The following LDLRAD4 variants were observed in gnomAD, a reference collection of about 807,000 sequenced individuals.
The protein encoded by LDLRAD4 is low density lipoprotein receptor class A domain containing 4.
In LDLRAD4, 5 loss-of-function variants were observed where a neutral mutation model predicts 17.0. The ratio of observed to expected loss-of-function variants is 0.29; its 90% confidence interval spans 0.15 to 0.62. The LOEUF (loss-of-function observed/expected upper bound fraction) is 0.62, where lower values mean the gene tolerates loss of function less well. Among genes scored for constraint, LDLRAD4 ranks in the 20% least tolerant of loss-of-function variants. The pLI is 0.84. For synonymous variants in LDLRAD4, 168 were observed against 171.8 expected (o/e 0.98, Z 0.17); for missense variants, 340 against 424.7 (o/e 0.80, Z 1.75).
chr18:13,650,873 C>T (rs1258131211), exon 6 of LDLRAD4: 2 of 152,266 alleles, frequency 1.3e-5, no homozygotes, highest in African/African-American at 4.8e-5. Context: ...TATTATAACA[C>T]AAGAGAAAGA....
Position 13,466,472 on chromosome 18 carries a change from C to CAAAAAA in LDLRAD4, c.181+28099_181+28104dup, listed in dbSNP as rs5823251. Among the ~76,000 whole-genome samples, 60 of 108,340 alleles carry CAAAAAA rather than the reference C, an allele frequency of 5.5e-4. 2 individuals carry two copies. Among genetic ancestry groups the CAAAAAA allele is most frequent in the Non-Finnish European group, 8.1e-4 (45 of 55,770 alleles). The allele number at this position is 108,340 out of a possible 152,430, so 71.1% of individuals were successfully genotyped here. A position where few individuals can be genotyped will look rare whatever the true frequency, so the allele number is the denominator to read the frequency against. Reference sequence around the variant, plus strand: ...GTCACAGAGTGAGACCTTGTTTCACCAAAAAAAAAAAAAAAAGGAAAATCA... The same window carrying CAAAAAA: ...GTCACAGAGTGAGACCTTGTTTCACCAAAAAAAAAAAAAAAAAAAAAAGGAAAATCA... On this transcript the variant is annotated intron_variant, in intron 3 of 5. Transcript: ENST00000359446.
At chr18:13,565,664 A>G (rs1453272289) in intron 3 of LDLRAD4, among the ~76,000 whole-genome samples, 3 of 152,184 alleles carry the variant, frequency 2.0e-5, no homozygotes, top group Non-Finnish European at 4.4e-5. Context: ...AAAGGGTTCT[A>G]TTGTGGCTCA....
chr18:13,612,052 G>A (rs2039618909), intron 3 of LDLRAD4: 2 of 985,416 alleles, frequency 2.0e-6, no homozygotes, highest in Admixed American at 6.1e-5. Flanking sequence ...CGCCTGTCGC[G>A]TGTCCTGCCT....
In LDLRAD4 at chr18:13,243,656, C is replaced by A. The variant is rs547585357; in HGVS notation, c.-467+24668C>A. Among the ~76,000 whole-genome samples the A allele has an allele frequency of 6.0e-5, 9 of 150,564 alleles. No homozygotes were observed. In the South Asian group the frequency reaches 1.9e-3, roughly 32 times the overall value. Reference sequence around the variant, plus strand: ...CCCGCACATTCATCCATCGATTTACCCATCCATCCGTCTACCCATCCATCT... The same window carrying A: ...CCCGCACATTCATCCATCGATTTACACATCCATCCGTCTACCCATCCATCT... On this transcript the variant is annotated intron_variant, in intron 1 of 5. Coordinates refer to the LDLRAD4 transcript ENST00000399848.
In LDLRAD4 at chr18:13,367,980, C is replaced by A. The variant is rs1365587760; in HGVS notation, c.-382-19361C>A. Among the ~76,000 whole-genome samples the A allele has an allele frequency of 2.0e-5, 3 of 152,042 alleles. No homozygotes were observed. Among genetic ancestry groups the A allele is most frequent in the African/African-American group, 7.2e-5 (3 of 41,384 alleles). On this transcript the variant is annotated intron_variant, in intron 1 of 5. Coordinates refer to ENST00000359446, the Ensembl canonical transcript of LDLRAD4. This position sits in a 1 kb window ranked among gnomAD's most constrained non-coding sequence, Gnocchi z 4.1. Reference sequence around the variant, plus strand: ...GAGGCTGCAGTGAGCCATGACGGCACCACTGCAGTCCTGCCCAGGTGACAG... The same window carrying A: ...GAGGCTGCAGTGAGCCATGACGGCAACACTGCAGTCCTGCCCAGGTGACAG...
chr18:13,322,722 A>G (rs1488022166), intron 1 of LDLRAD4, among the ~76,000 whole-genome samples: 1 of 151,796 alleles, frequency 6.6e-6, no homozygotes, highest in East Asian at 1.9e-4. Context: ...AGTTCAAAAA[A>G]TTCTCCCACC....
chr18:13,632,343 G>A (rs2041739150), intron 4 of LDLRAD4, among the ~76,000 whole-genome samples: 1 of 152,242 alleles, frequency 6.6e-6, no homozygotes, highest in African/African-American at 2.4e-5. Flanking sequence ...ATGGTGAGGG[G>A]TGTGTGAGCA....
chr18:13,529,339 G>C (rs1047007876), intron 3 of LDLRAD4, among the ~76,000 whole-genome samples: 3 of 152,230 alleles, frequency 2.0e-5, no homozygotes, highest in African/African-American at 7.2e-5. Context: ...GGTATTCTCC[G>C]AAGATGGCCT....
At position 13,426,879 on chromosome 18, in the gene LDLRAD4, G is replaced by T. The variant is rs562611120; in HGVS notation, c.41-11365G>T. Among the ~76,000 whole-genome samples, 3 of 152,320 alleles carry T rather than the reference G, an allele frequency of 2.0e-5. No homozygotes were observed. In the South Asian group the frequency reaches 6.2e-4, roughly 32 times the overall value. On this transcript the variant is annotated intron_variant, in intron 2 of 5. Coordinates refer to ENST00000359446, the Ensembl canonical transcript of LDLRAD4. ...ATGTAGCCCACGCCCTATGAGGTCAGTGAGGTTTGAGATCTCAGAAGGAAG... is the reference window on the plus strand; with the variant it reads ...ATGTAGCCCACGCCCTATGAGGTCATTGAGGTTTGAGATCTCAGAAGGAAG...
chr18:13,618,935 G>GT (rs532965905), intron 3 of LDLRAD4, among the ~76,000 whole-genome samples: 1,590 of 152,326 alleles, frequency 0.01, 10 homozygotes, highest in Non-Finnish European at 0.017. Context: ...CCCTGGGCTG[G>GT]TGGCTGACCC....
chr18:13,319,955 T>C (rs902115613), intron 1 of LDLRAD4, among the ~76,000 whole-genome samples: 11 of 152,220 alleles, frequency 7.2e-5, no homozygotes, highest in Non-Finnish European at 1.0e-4. Context: ...TTGACTGATA[T>C]ACCCAAGGGA....
intron 1 of LDLRAD4, among the ~76,000 whole-genome samples, chr18:13,345,511 G>A (rs1356668929): frequency 6.6e-6 from 1 of 152,144 alleles, no homozygotes; most frequent in Admixed American, 6.6e-5. Flanking sequence ...TTTTTGCATT[G>A]ATGTTCATCA....
intron 1 of LDLRAD4, among the ~76,000 whole-genome samples, chr18:13,308,705 T>C (rs2047057004): frequency 6.6e-6 from 1 of 152,262 alleles, no homozygotes; most frequent in Non-Finnish European, 1.5e-5. Flanking sequence ...TTTGTGGTTG[T>C]TGAACTTTCT....
chr18:13,454,273 C>T (rs2092003372), intron 3 of LDLRAD4, among the ~76,000 whole-genome samples: 1 of 152,114 alleles, frequency 6.6e-6, no homozygotes, highest in South Asian at 2.1e-4. Context: ...TAATGTTTAT[C>T]TAGTTGGAGT....
intron 3 of LDLRAD4, among the ~76,000 whole-genome samples, chr18:13,442,611 GC>G (rs1234852056): frequency 1.3e-5 from 2 of 152,228 alleles, no homozygotes; most frequent in Non-Finnish European, 2.9e-5. Context: ...CTGCTGGCCG[GC>G]CGGCTGCGGG....
chr18:13,503,471 TG>T (rs2093644575), intron 3 of LDLRAD4, among the ~76,000 whole-genome samples: 1 of 50,112 alleles, frequency 2.0e-5, no homozygotes. Context: ...ATGGAGACTT[TG>T]AAAAAAATCT....
intron 3 of LDLRAD4, chr18:13,515,267 G>T (rs546204528): frequency 1.3e-5 from 2 of 152,210 alleles, no homozygotes; most frequent in African/African-American, 4.8e-5. Flanking sequence ...AAAATCCTTG[G>T]TGAGCTGCCT....
At chr18:13,605,126 T>C (rs2095209520) in intron 3 of LDLRAD4, among the ~76,000 whole-genome samples, 1 of 152,176 alleles carries the variant, frequency 6.6e-6, no homozygotes, top group Non-Finnish European at 1.5e-5. Flanking sequence ...AGAATTAGAG[T>C]GTTCTCTTAA....
chr18:13,446,883 G>A (rs1328738573), intron 3 of LDLRAD4, among the ~76,000 whole-genome samples: 1 of 152,254 alleles, frequency 6.6e-6, no homozygotes, highest in Admixed American at 6.5e-5. Context: ...TGTGCTGGGA[G>A]GGGTGGGGCC....
Sources: gnomAD v4.1 joint callset for allele counts (sites outside exome capture counted in the v4.1 genomes callset) on GRCh38, gnomAD v4.1.1 for gene constraint, Gnocchi (gnomAD v3.1) non-coding constraint, MANE v1.5 for transcripts, NCBI Gene and HGNC (gene_info 2026-07-23, HGNC 2026-07-21) for gene names.